PPP3CA: variants seen among roughly 807,000 people sequenced by gnomAD.
PPP3CA encodes CAM-PRP catalytic subunit.
A neutral mutation model predicts 66.5 loss-of-function variants in PPP3CA; 14 were observed. The observed-to-expected ratio is 0.21, with a 90% CI of 0.14 to 0.33. PPP3CA has a LOEUF of 0.33. PPP3CA is among the 10% of genes least tolerant of loss of function. The pLI is 1.00. For missense variants in PPP3CA, 317 were observed against 639.5 expected, an observed-to-expected ratio of 0.50 and a Z score of 5.44; for synonymous variants, 232 against 226.2, an observed-to-expected ratio of 1.03 and a Z score of -0.23.
intron 1 of PPP3CA, among the ~76,000 whole-genome samples, chr4:101,334,424 G>A (rs780062266): frequency 2.2e-4 from 34 of 151,994 alleles, no homozygotes; most frequent in Non-Finnish European, 3.2e-4. Flanking sequence ...GTGAGCCACC[G>A]CGCCCAACCC....
At chr4:101,277,326 T>A (rs892102738) in intron 1 of PPP3CA, among the ~76,000 whole-genome samples, 1 of 152,208 alleles carries the variant, frequency 6.6e-6, no homozygotes, top group African/African-American at 2.4e-5. Context: ...CTCGGCTATT[T>A]GGAAATTAAA....
chr4:101,051,778 G>A (rs1728020983), intron 10 of PPP3CA, among the ~76,000 whole-genome samples: 1 of 152,066 alleles, frequency 6.6e-6, no homozygotes, highest in African/African-American at 2.4e-5. Context: ...TTTATGCTTA[G>A]ATATGCAATA....
intron 2 of PPP3CA, among the ~76,000 whole-genome samples, chr4:101,144,299 T>TA (rs1722898234): frequency 1.3e-5 from 2 of 152,210 alleles, no homozygotes; most frequent in Non-Finnish European, 2.9e-5. Context: ...ACTAAAAGCT[T>TA]AAAGTACTTA....
chr4:101,130,855 A>G (rs978478141), intron 2 of PPP3CA, among the ~76,000 whole-genome samples: 2 of 152,228 alleles, frequency 1.3e-5, no homozygotes, highest in Non-Finnish European at 2.9e-5. Context: ...ACATCCAGCT[A>G]GCATCATAAT....
intron 1 of PPP3CA, among the ~76,000 whole-genome samples, chr4:101,199,535 T>C (rs1286107552): frequency 1.3e-5 from 2 of 152,184 alleles, no homozygotes; most frequent in South Asian, 2.1e-4. Flanking sequence ...TAAAAATAGA[T>C]AGAAACCTTC....
At chr4:101,287,073 TTAAAA>T (rs756993337) in intron 1 of PPP3CA, among the ~76,000 whole-genome samples, 1 of 152,158 alleles carries the variant, frequency 6.6e-6, no homozygotes, top group Non-Finnish European at 1.5e-5. Context: ...ACCTTTTCTC[TTAAAA>T]TAAATAGTAA....
intron 1 of PPP3CA, among the ~76,000 whole-genome samples, chr4:101,243,480 G>GA (rs1283233580): frequency 2.6e-5 from 4 of 151,494 alleles, no homozygotes; most frequent in South Asian, 2.1e-4. Context: ...TATACATAGG[G>GA]AAAAAAAACA....
At chr4:101,216,143 T>C (rs1725445434) in intron 1 of PPP3CA, among the ~76,000 whole-genome samples, 2 of 152,130 alleles carry the variant, frequency 1.3e-5, no homozygotes, top group Non-Finnish European at 2.9e-5. Context: ...GACCTACATA[T>C]GAATGCAAAG....
chr4:101,298,887 A>G (rs112812939), intron 1 of PPP3CA, among the ~76,000 whole-genome samples: 10 of 138,900 alleles, frequency 7.2e-5, no homozygotes, highest in Non-Finnish European at 1.3e-4. Context: ...GTGTGTGTGT[A>G]TACACTCATG....
Position 101,116,694 on chromosome 4 carries a change from T to G in PPP3CA, c.260-7616A>C, listed in dbSNP as rs563542535. 4.6e-5 allele frequency among the ~76,000 whole-genome samples: 7 copies of G among 152,010 alleles called. No homozygotes were observed. The South Asian group carries it at 8.3e-4, about 18-fold the overall frequency. On this transcript the variant is annotated intron_variant, in intron 2 of 13. Transcript: ENST00000394854. Reference sequence around the variant, plus strand: ...CACTGCAGTTTATTACAGCATTTGCTTATATCTAGAAATCTGTATCATAAA... The same window carrying G: ...CACTGCAGTTTATTACAGCATTTGCGTATATCTAGAAATCTGTATCATAAA...
intron 10 of PPP3CA, among the ~76,000 whole-genome samples, chr4:101,042,173 CTT>C (rs558866853): frequency 2.1e-4 from 19 of 91,150 alleles, no homozygotes; most frequent in Non-Finnish European, 3.0e-4. Flanking sequence ...AAGGTCTTTG[CTT>C]TTTTTTTTTT....
At chr4:101,279,768 A>C (rs1247481082) in intron 1 of PPP3CA, among the ~76,000 whole-genome samples, 1 of 152,174 alleles carries the variant, frequency 6.6e-6, no homozygotes, top group African/African-American at 2.4e-5. Context: ...TGAAAGAGGG[A>C]AGAGCCAAGA....
intron 6 of PPP3CA, among the ~76,000 whole-genome samples, chr4:101,093,225 T>C (rs1730037822): frequency 6.6e-6 from 1 of 152,194 alleles, no homozygotes; most frequent in African/African-American, 2.4e-5. Context: ...CATTTTTTCA[T>C]TGTTTTTTGG....
At chr4:101,166,230 T>C (rs1041609355) in intron 2 of PPP3CA, among the ~76,000 whole-genome samples, 5 of 152,176 alleles carry the variant, frequency 3.3e-5, no homozygotes, top group Non-Finnish European at 7.4e-5. Flanking sequence ...CACTTAGATT[T>C]TCCTTTCACC....
intron 13 of PPP3CA, among the ~76,000 whole-genome samples, chr4:101,028,884 A>AC (rs1726791087): frequency 6.6e-6 from 1 of 151,954 alleles, no homozygotes; most frequent in African/African-American, 2.4e-5. Context: ...AGCTGCCATA[A>AC]CCCCCACCCC....
At chr4:101,165,745 A>G (rs1255315731) in intron 2 of PPP3CA, among the ~76,000 whole-genome samples, 7 of 152,160 alleles carry the variant, frequency 4.6e-5, no homozygotes, top group African/African-American at 9.6e-5. Context: ...CATGAAAATA[A>G]AAGGAATTTA....
At chr4:101,047,100 C>T (rs1727799196) in intron 10 of PPP3CA, among the ~76,000 whole-genome samples, 1 of 152,142 alleles carries the variant, frequency 6.6e-6, no homozygotes, top group African/African-American at 2.4e-5. Flanking sequence ...CCTAACTTAA[C>T]AATAACAAAC....
intron 1 of PPP3CA, among the ~76,000 whole-genome samples, chr4:101,276,185 G>A (rs993842430): frequency 5.9e-5 from 9 of 151,900 alleles, no homozygotes; most frequent in Non-Finnish European, 1.2e-4. Flanking sequence ...TTGAATCACC[G>A]CTCCTGGCCT....
chr4:101,098,032 T>C (rs1159750870), intron 5 of PPP3CA, among the ~76,000 whole-genome samples: 1 of 152,192 alleles, frequency 6.6e-6, no homozygotes, highest in Non-Finnish European at 1.5e-5. Flanking sequence ...GCAACATTTC[T>C]AGCATAACAC....
Sources: gnomAD v4.1 joint callset for allele counts (sites outside exome capture counted in the v4.1 genomes callset) on GRCh38, gnomAD v4.1.1 for gene constraint, MANE v1.5 for transcripts, NCBI Gene and HGNC (gene_info 2026-07-23, HGNC 2026-07-21) for gene names.